The following CACNA2D2 variants were observed in gnomAD, a reference collection of about 807,000 sequenced individuals.
The protein encoded by CACNA2D2 is voltage-dependent calcium channel subunit alpha-2/delta-2.
CACNA2D2 carries 48 observed loss-of-function variants against 166.4 expected under a neutral mutation model. That is an observed-to-expected ratio of 0.29 (90% CI 0.23 to 0.37). The LOEUF (loss-of-function observed/expected upper bound fraction) is 0.37, where lower values mean the gene tolerates loss of function less well. Ranked by LOEUF, CACNA2D2 falls within the 10% of genes least tolerant of loss-of-function variation. CACNA2D2 has a pLI of 1.00. For synonymous variants in CACNA2D2, 561 were observed against 573.7 expected, an observed-to-expected ratio of 0.98 and a Z score of 0.32; for missense variants, 1,122 against 1,433.0, an observed-to-expected ratio of 0.78 and a Z score of 3.50.
intron 1 of CACNA2D2, among the ~76,000 whole-genome samples, chr3:50,501,914 G>A (rs1489972296): frequency 6.6e-6 from 1 of 152,178 alleles, no homozygotes; most frequent in African/African-American, 2.4e-5. Context: ...CCAGACGGTT[G>A]ACAGAGGACA....
In CACNA2D2 at chr3:50,364,209, G is replaced by A. The variant is rs986880084; in HGVS notation, c.*457C>T. The A allele has an allele frequency of 9.9e-5, 17 of 171,130 alleles. No homozygotes were observed. The Admixed American group carries it at 1.0e-3, about 10-fold the overall frequency. The allele number at this position is 171,130 out of a possible 1,614,324, so 10.6% of individuals were successfully genotyped here. ...CCTCTCTCCTGCTAGGATTTAAGCT[G>A]GGAGGCACAGGCTTCAAACTGGCCA... On this transcript the variant is annotated 3_prime_UTR_variant, in exon 38 of 38. Transcript: ENST00000424201.
At chr3:50,458,170 G>A (rs915526468) in intron 2 of CACNA2D2, among the ~76,000 whole-genome samples, 1 of 152,222 alleles carries the variant, frequency 6.6e-6, no homozygotes, top group Admixed American at 6.5e-5. Context: ...GCCCTTCCCC[G>A]CTGCTGGCTG....
rs182154151 is a variant in CACNA2D2, at chr3:50,387,601, G to A, written c.477C>T (p.Ile159=). The stretch of plus-strand genomic sequence containing the variant: ...CGTCAGCCTTGGCGTCATAGTACAC[G>A]ATGTCTTCCTCCTGGTGAGGGGAGA... ...RWQDNIKEED[I]VYYDAKADAE... The change falls in exon 5 of 38, where the codon ATC becomes ATT. Residue 159 remains isoleucine (I), a synonymous_variant. Transcript: ENST00000424201. 6 of 1,613,442 alleles carry A rather than the reference G, an allele frequency of 3.7e-6. No homozygotes were observed. In the East Asian group the frequency reaches 6.7e-5, roughly 18 times the overall value.
At chr3:50,429,490 C>T (rs939890613) in intron 3 of CACNA2D2, among the ~76,000 whole-genome samples, 12 of 150,814 alleles carry the variant, frequency 8.0e-5, no homozygotes, top group Non-Finnish European at 1.0e-4. Flanking sequence ...CGGTGGCTCA[C>T]GCCAGTAATC....
intron 3 of CACNA2D2, among the ~76,000 whole-genome samples, chr3:50,414,215 A>G (rs1281438730): frequency 1.3e-5 from 2 of 151,884 alleles, no homozygotes; most frequent in Non-Finnish European, 2.9e-5. Context: ...CCCAACCCCC[A>G]CAGGCCCACA....
At chr3:50,461,757 AAAAAAAG>A (rs535700388) in intron 2 of CACNA2D2, among the ~76,000 whole-genome samples, 14,956 of 145,068 alleles carry the variant, frequency 0.1, 1,066 homozygotes, top group East Asian at 0.35. Flanking sequence ...AAAAAAAAAA[AAAAAAAG>A]AAAAAAAGAA....
At chr3:50,388,123 C>T (rs2106704719) in intron 4 of CACNA2D2, among the ~76,000 whole-genome samples, 1 of 152,322 alleles carries the variant, frequency 6.6e-6, no homozygotes, top group South Asian at 2.1e-4. Context: ...GAAAACAAAG[C>T]CCAGCCCTGG....
intron 3 of CACNA2D2, among the ~76,000 whole-genome samples, chr3:50,433,853 T>C (rs1200207602): frequency 2.0e-5 from 3 of 152,128 alleles, no homozygotes; most frequent in African/African-American, 4.8e-5. Context: ...CCCCCATCCT[T>C]ACGTGGCCTT....
At chr3:50,482,114 G>C (rs1246120050) in intron 1 of CACNA2D2, among the ~76,000 whole-genome samples, 4 of 152,192 alleles carry the variant, frequency 2.6e-5, no homozygotes, top group African/African-American at 4.8e-5. Flanking sequence ...AGACAGGGTG[G>C]AGAGGCAAGC....
At chr3:50,435,918 G>A (rs2236971) in intron 2 of CACNA2D2, among the ~76,000 whole-genome samples, 20,162 of 152,278 alleles carry the variant, frequency 0.13, 2,248 homozygotes, top group East Asian at 0.41. Context: ...CCGAGTGAGT[G>A]CCAGGCCAGG....
intron 2 of CACNA2D2, among the ~76,000 whole-genome samples, chr3:50,446,850 T>C (rs1044803001): frequency 2.0e-5 from 3 of 152,110 alleles, no homozygotes; most frequent in South Asian, 2.1e-4. Context: ...AGAGGGTAGG[T>C]AGACTTCAAG....
chr3:50,467,323 T>A (rs1258068179), intron 2 of CACNA2D2, among the ~76,000 whole-genome samples: 3 of 152,120 alleles, frequency 2.0e-5, no homozygotes, highest in Admixed American at 6.5e-5. Context: ...GCCTGCTACA[T>A]CTCCTAGGGC....
intron 4 of CACNA2D2, among the ~76,000 whole-genome samples, chr3:50,388,778 C>T (rs1473563094): frequency 1.3e-5 from 2 of 152,198 alleles, no homozygotes; most frequent in African/African-American, 4.8e-5. Context: ...CCGTCAGTAC[C>T]TGGGACTGTT....
chr3:50,372,004 T>C (rs1463261567), intron 22 of CACNA2D2, among the ~76,000 whole-genome samples: 12 of 147,570 alleles, frequency 8.1e-5, no homozygotes, highest in African/African-American at 3.0e-4. Context: ...ACAGGGCCCC[T>C]AGGGCTTCTT....
chr3:50,462,259 C>T (rs541562343), intron 2 of CACNA2D2, among the ~76,000 whole-genome samples: 4 of 151,972 alleles, frequency 2.6e-5, no homozygotes, highest in South Asian at 2.1e-4. Context: ...TGTGGTGGTG[C>T]GTGCCTGAAT....
At chr3:50,381,166 C>T (rs1287608044) in intron 6 of CACNA2D2, 40 bp from the exon 7 acceptor site, 3 of 1,609,750 alleles carry the variant, frequency 1.9e-6, no homozygotes, top group South Asian at 1.1e-5. Flanking sequence ...AGCACCTGGG[C>T]TGTGTCCTGT....
chr3:50,445,437 C>T (rs1412142793), intron 2 of CACNA2D2, among the ~76,000 whole-genome samples: 3 of 152,208 alleles, frequency 2.0e-5, no homozygotes, highest in Non-Finnish European at 4.4e-5. Context: ...CCTGGGCCAT[C>T]TCATTTACCT....
chr3:50,374,845 G>C, intron 21 of CACNA2D2, 32 bp from the exon 22 acceptor site: 1 of 1,535,064 alleles, frequency 6.5e-7, no homozygotes, highest in Non-Finnish European at 8.9e-7. Flanking sequence ...TCACGGCTGG[G>C]GGGAGGCGGG....
chr3:50,380,075 C>T lies in CACNA2D2; in HGVS notation c.843-57G>A, dbSNP rs1462213204. 1 of 1,548,610 alleles carries T rather than the reference C, an allele frequency of 6.5e-7. No homozygotes were observed. The highest frequency in any genetic ancestry group is 1.4e-5 in the African/African-American group (1 of 73,628). ...CCCACTGGGACCTTGTGGGTCCTTC[C>T]TTCCTTCACATACATATTGATTCAA... is the stretch of plus-strand genomic sequence containing the variant. On this transcript the variant is annotated intron_variant, in intron 8 of 37. Transcript: ENST00000424201. The surrounding 1 kb of genome is among the most constrained non-coding windows in gnomAD (Gnocchi z 4.9).
Sources: allele counts gnomAD v4.1 joint callset (sites outside exome capture counted in the v4.1 genomes callset), GRCh38; gene constraint gnomAD v4.1.1; non-coding constraint Gnocchi (gnomAD v3.1); transcripts MANE v1.5; gene names NCBI Gene and HGNC (gene_info 2026-07-23, HGNC 2026-07-21).